PPARGC1A: variants seen among roughly 807,000 people sequenced by gnomAD.
PPARGC1A encodes PPARG coactivator 1 alpha.
PPARGC1A carries 25 observed loss-of-function variants against 88.7 expected under a neutral mutation model. The ratio of observed to expected loss-of-function variants is 0.28; its 90% CI spans 0.21 to 0.39. The LOEUF (loss-of-function observed/expected upper bound fraction) is 0.39. Ranked by LOEUF, PPARGC1A falls within the 10% of genes least tolerant of loss-of-function variation. The probability of loss-of-function intolerance (pLI) is 1.00; values close to 1 mark genes in which losing one functional copy is unlikely to be tolerated. For synonymous variants in PPARGC1A, 363 were observed against 355.6 expected (o/e 1.02, Z -0.24); for missense variants, 880 against 968.7 (o/e 0.91, Z 1.22).
At chr4:24,034,021 G>A in the PPARGC1A span, among the ~76,000 whole-genome samples, 1 of 152,158 alleles carries the variant, frequency 6.6e-6, no homozygotes, top group African/African-American at 2.4e-5. Context: ...TGGGTGAGCA[G>A]AGTCTTGGAT....
At chr4:24,336,799 G>A in the PPARGC1A span, among the ~76,000 whole-genome samples, 1 of 152,040 alleles carries the variant, frequency 6.6e-6, no homozygotes, top group African/African-American at 2.4e-5. Context: ...ACAGTGGCTT[G>A]CACCTGTAAT....
chr4:24,120,476 A>C, the PPARGC1A span, among the ~76,000 whole-genome samples: 1 of 152,198 alleles, frequency 6.6e-6, no homozygotes, highest in African/African-American at 2.4e-5. Flanking sequence ...ACCCCCATAA[A>C]GACTTTGTAG....
At chr4:24,376,696 A>C in the PPARGC1A span, among the ~76,000 whole-genome samples, 16 of 152,332 alleles carry the variant, frequency 1.1e-4, no homozygotes, top group African/African-American at 3.8e-4. Context: ...CTATTAGGGA[A>C]ATACTTATTC....
At chr4:24,455,586 T>C in the PPARGC1A span, among the ~76,000 whole-genome samples, 1 of 152,240 alleles carries the variant, frequency 6.6e-6, no homozygotes, top group Non-Finnish European at 1.5e-5. Context: ...AAAGTTCAAG[T>C]GTTGGAAACT....
chr4:24,199,000 G>C, the PPARGC1A span, among the ~76,000 whole-genome samples: 1 of 152,182 alleles, frequency 6.6e-6, no homozygotes, highest in South Asian at 2.1e-4. Flanking sequence ...AGGCAGGACA[G>C]ATCAGCATCT....
chr4:24,140,871 C>G, the PPARGC1A span, among the ~76,000 whole-genome samples: 119 of 152,294 alleles, frequency 7.8e-4, no homozygotes, highest in African/African-American at 2.6e-3. Context: ...CCATCCCAAT[C>G]AGCTCCTCCC....
At chr4:23,890,355 T>G, upstream of PPARGC1A, 1 of 172,794 alleles carries the variant, frequency 5.8e-6, no homozygotes, top group Non-Finnish European at 1.2e-5. Context: ...GGCCATATAA[T>G]AACCAAAATC....
chr4:24,325,753 G>A, the PPARGC1A span, among the ~76,000 whole-genome samples: 16 of 152,218 alleles, frequency 1.1e-4, no homozygotes, highest in East Asian at 3.1e-3. Flanking sequence ...ACAGTGGAAG[G>A]TAAGTCCGTC....
At chr4:24,150,717 C>T in the PPARGC1A span, among the ~76,000 whole-genome samples, 3 of 152,082 alleles carry the variant, frequency 2.0e-5, no homozygotes, top group Non-Finnish European at 4.4e-5. Flanking sequence ...GTTCCTTTGG[C>T]AGATGAGGAC....
the PPARGC1A span, among the ~76,000 whole-genome samples, chr4:24,021,652 C>G: frequency 6.6e-6 from 1 of 152,296 alleles, no homozygotes; most frequent in South Asian, 2.1e-4. Flanking sequence ...GCTAGGTTAT[C>G]TTGGGCAAGT....
chr4:24,340,497 C>G, the PPARGC1A span, among the ~76,000 whole-genome samples: 1 of 151,966 alleles, frequency 6.6e-6, no homozygotes, highest in Admixed American at 6.6e-5. Context: ...TTATCTTCTC[C>G]CATAATTACA....
chr4:24,373,544 G>A, the PPARGC1A span, among the ~76,000 whole-genome samples: 1 of 152,150 alleles, frequency 6.6e-6, no homozygotes, highest in Non-Finnish European at 1.5e-5. Context: ...TCTGCAGACT[G>A]CAAATCTATA....
At chr4:23,941,037 T>C in the PPARGC1A span, among the ~76,000 whole-genome samples, 1 of 152,030 alleles carries the variant, frequency 6.6e-6, no homozygotes, top group African/African-American at 2.4e-5. Flanking sequence ...CTGAAAATAG[T>C]TTTTCTTAAT....
At position 23,831,757 on chromosome 4, in the gene PPARGC1A, G is replaced by C. The variant is rs1480045216; in HGVS notation, c.235-6C>G. On this transcript the variant is annotated splice_region_variant and splice_polypyrimidine_tract_variant and intron_variant, in intron 2 of 12. Coordinates refer to ENST00000264867, the MANE Select transcript of PPARGC1A (RefSeq NM_013261.5). ...TCATTCTCTTCATCTATCTTCTGCA[G>C]AAAGAGAAAAAAACAGAAGATGTGA... 2 of 1,603,078 alleles carry C rather than the reference G, an allele frequency of 1.2e-6. No individual in the cohort carries two copies. Among genetic ancestry groups the C allele is most frequent in the Non-Finnish European group, 1.7e-6 (2 of 1,171,340 alleles).
chr4:24,078,879 T>C, the PPARGC1A span, among the ~76,000 whole-genome samples: 1 of 152,098 alleles, frequency 6.6e-6, no homozygotes, highest in African/African-American at 2.4e-5. Context: ...TCAGGTACCA[T>C]ATTTAACTCA....
the PPARGC1A span, among the ~76,000 whole-genome samples, chr4:24,138,968 A>G: frequency 1.9e-4 from 29 of 152,144 alleles, no homozygotes; most frequent in Non-Finnish European, 3.4e-4. Flanking sequence ...TGGGCGAGAT[A>G]GTGTGATCCA....
chr4:24,349,245 G>A, the PPARGC1A span, among the ~76,000 whole-genome samples: 1 of 152,188 alleles, frequency 6.6e-6, no homozygotes, highest in Non-Finnish European at 1.5e-5. Flanking sequence ...AGCTTTGGTG[G>A]TTTGATGCTC....
At chr4:24,053,737 A>C in the PPARGC1A span, among the ~76,000 whole-genome samples, 1 of 152,192 alleles carries the variant, frequency 6.6e-6, no homozygotes, top group Non-Finnish European at 1.5e-5. Context: ...ATGGGGATCA[A>C]GCCTCAGGTT....
intron 1 of PPARGC1A, among the ~76,000 whole-genome samples, chr4:23,897,614 A>C (rs971106986): frequency 1.3e-5 from 2 of 151,274 alleles, no homozygotes; most frequent in Non-Finnish European, 2.9e-5. Flanking sequence ...AGATACTGGA[A>C]ATCAGAGATA....
Sources: allele counts gnomAD v4.1 joint callset (sites outside exome capture counted in the v4.1 genomes callset), GRCh38; gene constraint gnomAD v4.1.1; transcripts MANE v1.5; gene names NCBI Gene and HGNC (gene_info 2026-07-23, HGNC 2026-07-21).